The following SZT2 variants were observed in gnomAD, a reference collection of about 807,000 sequenced individuals.
SZT2 encodes the protein SZT2 subunit of KICSTOR complex.
Under a neutral mutation model 404.2 loss-of-function variants are expected in SZT2, and 216 were observed. That is an observed-to-expected ratio of 0.53 (90% CI 0.48 to 0.60). The LOEUF (loss-of-function observed/expected upper bound fraction) is 0.60. Among genes scored for constraint, SZT2 ranks in the 20% least tolerant of loss-of-function variants. The pLI, the probability that SZT2 is intolerant of heterozygous loss-of-function variation, is 0.00. For synonymous variants in SZT2, 1,693 were observed against 1,749.9 expected, an observed-to-expected ratio of 0.97 and a Z score of 0.81; for missense variants, 3,857 against 4,459.2, an observed-to-expected ratio of 0.86 and a Z score of 3.85.
chr1:43,432,040 C>A, intron 36 of SZT2, 139 bp downstream of exon 36: 1 of 1,204,332 alleles, frequency 8.3e-7, no homozygotes, highest in Non-Finnish European at 1.2e-6. Flanking sequence ...ACATCATCTG[C>A]CCTAACCCCT....
chr1:43,445,879 C>T lies in SZT2; in HGVS notation c.8826-15C>T, dbSNP rs1259336070. On this transcript the variant is annotated splice_polypyrimidine_tract_variant and intron_variant, in intron 62 of 71. Transcript: ENST00000634258. ...TAGCCTGCCTCATCCTCTTATCCCT[C>T]CTCCTTTTCTATAGCACCAGCCGGC... 10 of 1,613,612 alleles carry T rather than the reference C, an allele frequency of 6.2e-6. No homozygotes were observed. Among genetic ancestry groups the T allele is most frequent in the African/African-American group, 1.3e-5 (1 of 74,930 alleles).
Position 43,452,118 on chromosome 1 carries a change from A to G in SZT2, c.*1638A>G. 1 of 1,493,344 alleles carries G rather than the reference A, an allele frequency of 6.7e-7. No homozygotes were observed. Among genetic ancestry groups the G allele is most frequent in the Admixed American group, 1.8e-5 (1 of 55,786 alleles). 92.5% of individuals were successfully genotyped at this position (1,493,344 alleles called of 1,614,324 possible). On this transcript the variant is annotated 3_prime_UTR_variant, in exon 72 of 72. Transcript: ENST00000634258. ...ACCTGTTCCTCTGACCTAGGCTGGCAGCCTCACGTGCTGTCCCCACTGTGC... is the reference window on the plus strand; with the variant it reads ...ACCTGTTCCTCTGACCTAGGCTGGCGGCCTCACGTGCTGTCCCCACTGTGC...
At position 43,421,170 on chromosome 1, in the gene SZT2, A is replaced by G. The variant is rs754241761; in HGVS notation, c.1497-4A>G. 19 of 1,598,130 alleles carry G rather than the reference A, an allele frequency of 1.2e-5. No homozygotes were observed. Among genetic ancestry groups the G allele is most frequent in the South Asian group, 3.3e-5 (3 of 91,036 alleles). ...ATGGCTCAGGCCTGGCCCTTATTCTACAGCATCAACCAGACAGACCAGATG... is the reference window on the plus strand; with the variant it reads ...ATGGCTCAGGCCTGGCCCTTATTCTGCAGCATCAACCAGACAGACCAGATG... On this transcript the variant is annotated splice_region_variant and splice_polypyrimidine_tract_variant and intron_variant, in intron 10 of 71. Coordinates refer to ENST00000634258, the MANE Select transcript of SZT2 (RefSeq NM_001365999.1).
In SZT2 at chr1:43,450,328, T is replaced by A. The variant is rs1453114305; in HGVS notation, c.10156-9T>A. The A allele has an allele frequency of 6.2e-7, 1 of 1,614,004 alleles. No individual in the cohort carries two copies. The highest frequency in any genetic ancestry group is 8.5e-7 in the Non-Finnish European group (1 of 1,179,960). On this transcript the variant is annotated splice_polypyrimidine_tract_variant and intron_variant, in intron 71 of 71. Coordinates refer to ENST00000634258, the MANE Select transcript of SZT2 (RefSeq NM_001365999.1). The surrounding 1 kb of genome is among the most constrained non-coding windows in gnomAD (Gnocchi z 4.3). ...TCTCACCAGTGCATCCCCACCGTGT[T>A]CCCCACAGTCTCTGACAGTGGTTTT... is the stretch of plus-strand genomic sequence containing the variant.
intron 6 of SZT2, 137 bp downstream of exon 6, chr1:43,416,238 A>T: frequency 8.5e-7 from 1 of 1,177,958 alleles, no homozygotes; most frequent in Non-Finnish European, 1.2e-6. Flanking sequence ...TGCAAAATGT[A>T]AGTCTGTATT....
chr1:43,427,215 A>G (rs575622194), intron 24 of SZT2, 36 bp downstream of exon 24: 4 of 1,610,342 alleles, frequency 2.5e-6, no homozygotes, highest in South Asian at 1.1e-5. Context: ...ACCCCCTCAG[A>G]TACAAACCCC....
At chr1:43,397,068 G>A (rs1649079668) in intron 1 of SZT2, among the ~76,000 whole-genome samples, 1 of 152,264 alleles carries the variant, frequency 6.6e-6, no homozygotes, top group Admixed American at 6.5e-5. Flanking sequence ...GTTCATACAT[G>A]TATTCAACAG....
At position 43,451,241 on chromosome 1, in the gene SZT2, C is replaced by A; in HGVS notation, c.*761C>A. On this transcript the variant is annotated 3_prime_UTR_variant, in exon 72 of 72. Coordinates refer to ENST00000634258, the MANE Select transcript of SZT2 (RefSeq NM_001365999.1). The stretch of plus-strand genomic sequence containing the variant: ...CACGTGGGTGGTGTGCGGGCCCTCA[C>A]TGGCCAGCCTCTGGGTGGCCCCGCC... 1 of 1,613,966 alleles carries A rather than the reference C, an allele frequency of 6.2e-7. No homozygotes were observed. Among genetic ancestry groups the A allele is most frequent in the Non-Finnish European group, 8.5e-7 (1 of 1,179,982 alleles).
Position 43,437,440 on chromosome 1 carries a change from C to T in SZT2, c.6222C>T (p.Phe2074=), listed in dbSNP as rs1453095713. The T allele has an allele frequency of 6.2e-7, 1 of 1,614,204 alleles. No homozygotes were observed. The highest frequency in any genetic ancestry group is 8.5e-7 in the Non-Finnish European group (1 of 1,180,042). Residue 2074 remains phenylalanine, a synonymous_variant, in exon 44 of 72, where the codon TTC becomes TTT. Transcript: ENST00000634258. The surrounding 1 kb of genome is among the most constrained non-coding windows in gnomAD (Gnocchi z 5.3). Reference sequence around the variant, plus strand: ...CCCTGCGCTCTGTGCTCAATGCCTTCTCTGTGGTGAACCGGAAAAACATGT... The same window carrying T: ...CCCTGCGCTCTGTGCTCAATGCCTTTTCTGTGGTGAACCGGAAAAACATGT... ...IQALRSVLNA[F]SVVNRKNMFV... is the part of the protein sequence containing the mutation.
In SZT2 at chr1:43,439,471, C is replaced by G; in HGVS notation, c.6877+29C>G. 6.3e-7 allele frequency: 1 copy of G among 1,599,232 alleles called. No individual in the cohort carries two copies. Among genetic ancestry groups the G allele is most frequent in the Non-Finnish European group, 8.5e-7 (1 of 1,171,284 alleles). The stretch of plus-strand genomic sequence containing the variant: ...CGGTGCAGGGCACGGGCCTGTGGCA[C>G]CACCAGGTGAGGGAAAGCCTTTTGT... On this transcript the variant is annotated intron_variant, in intron 49 of 71. Transcript: ENST00000634258. This position sits in a 1 kb window ranked among gnomAD's most constrained non-coding sequence, Gnocchi z 4.2.
rs559342532 is a variant in SZT2, at chr1:43,425,003, A to G, written c.2551-110A>G. 2.6e-6 allele frequency: 4 copies of G among 1,518,828 alleles called. No homozygotes were observed. Among genetic ancestry groups the G allele is most frequent in the South Asian group, 1.1e-5 (1 of 86,980 alleles). 94.1% of individuals were successfully genotyped at this position (1,518,828 alleles called of 1,614,324 possible). On this transcript the variant is annotated intron_variant, in intron 17 of 71. Transcript: ENST00000634258. The surrounding 1 kb of genome is among the most constrained non-coding windows in gnomAD (Gnocchi z 4.3). ...GAGGATGCTCAAGGTCTGAGGCTGC[A>G]GTCATAGGACAATTTGGTGAGGGAA... is the stretch of plus-strand genomic sequence containing the variant.
At chr1:43,416,236 G>A (rs1570607340) in intron 6 of SZT2, 135 bp downstream of exon 6, 2 of 1,202,342 alleles carry the variant, frequency 1.7e-6, no homozygotes, top group East Asian at 2.5e-5. Context: ...TTTGCAAAAT[G>A]TAAGTCTGTA....
chr1:43,416,737 A>G (rs1651766370), intron 7 of SZT2, 96 bp downstream of exon 7: 6 of 950,082 alleles, frequency 6.3e-6, no homozygotes, highest in South Asian at 5.9e-5. Context: ...TTTCCCAGAT[A>G]AAGTCAATTA....
At chr1:43,422,665 C>CCCCCCCCCCCCCCCCA (rs1652528745) in intron 13 of SZT2, 33 bp downstream of exon 13, 1 of 751,282 alleles carries the variant, frequency 1.3e-6, no homozygotes, top group African/African-American at 2.1e-5. Context: ...ACCCCCCGCC[C>CCCCCCCCCCCCCCCCA]CCCCACCCCC....
Position 43,420,018 on chromosome 1 carries a change from G to A in SZT2, c.1090+74G>A. ...GCCCAGAGATGATGGGGCCCTGGAG[G>A]ACTGAAAGTGTAACTGGGGCTGGCT... is the stretch of plus-strand genomic sequence containing the variant. On this transcript the variant is annotated intron_variant, in intron 8 of 71. Transcript: ENST00000634258. This position sits in a 1 kb window ranked among gnomAD's most constrained non-coding sequence, Gnocchi z 5.1. 1 of 1,574,742 alleles carries A rather than the reference G, an allele frequency of 6.4e-7. No homozygotes were observed. Among genetic ancestry groups the A allele is most frequent in the Non-Finnish European group, 8.6e-7 (1 of 1,162,482 alleles).
Position 43,450,487 on chromosome 1 carries a change from G to C in SZT2, c.*7G>C. 2 of 1,614,048 alleles carry C rather than the reference G, an allele frequency of 1.2e-6. No homozygotes were observed. The highest frequency in any genetic ancestry group is 2.2e-5 in the South Asian group (2 of 91,080). Reference sequence around the variant, plus strand: ...CTGGACCCGCCTCCTCTGAGGGAGTGGACTGGACCACTGAATGTCACTGTT... The same window carrying C: ...CTGGACCCGCCTCCTCTGAGGGAGTCGACTGGACCACTGAATGTCACTGTT... On this transcript the variant is annotated 3_prime_UTR_variant, in exon 72 of 72. Transcript: ENST00000634258. This position sits in a 1 kb window ranked among gnomAD's most constrained non-coding sequence, Gnocchi z 4.3.
At position 43,438,910 on chromosome 1, in the gene SZT2, T is replaced by G. The variant is rs781160202; in HGVS notation, c.6628-19T>G. On this transcript the variant is annotated intron_variant, in intron 47 of 71. Coordinates refer to ENST00000634258, the MANE Select transcript of SZT2 (RefSeq NM_001365999.1). ...GGAACTTCTGCATTCAGCTCTGCCC[T>G]CTTCTTCCCACTCTGCAGTTCATCC... is the stretch of plus-strand genomic sequence containing the variant. The G allele has an allele frequency of 6.1e-5, 99 of 1,613,986 alleles. No individual in the cohort carries two copies. Among genetic ancestry groups the G allele is most frequent in the Non-Finnish European group, 7.5e-5 (89 of 1,179,988 alleles).
chr1:43,425,961 A>G lies in SZT2; in HGVS notation c.2929+12A>G. The G allele has an allele frequency of 6.2e-7, 1 of 1,611,692 alleles. No homozygotes were observed. Among genetic ancestry groups the G allele is most frequent in the Non-Finnish European group, 8.5e-7 (1 of 1,177,780 alleles). Reference sequence around the variant, plus strand: ...GAGGGTCTCTGATGGTGAGTGGGGCAGGCGGCCCACTGGTGGAGCAGGGGA... The same window carrying G: ...GAGGGTCTCTGATGGTGAGTGGGGCGGGCGGCCCACTGGTGGAGCAGGGGA... On this transcript the variant is annotated intron_variant, in intron 20 of 71. Coordinates refer to ENST00000634258, the MANE Select transcript of SZT2 (RefSeq NM_001365999.1). The surrounding 1 kb of genome is among the most constrained non-coding windows in gnomAD (Gnocchi z 4.3).
In SZT2 at chr1:43,420,823, C is replaced by T. The variant is rs2782643; in HGVS notation, c.1336C>T (p.Pro446Ser). 599,570 of 1,598,182 alleles carry T rather than the reference C, an allele frequency of 0.38. 120,395 individuals are homozygous for T. The highest frequency in any genetic ancestry group is 0.42 in the Non-Finnish European group (492,846 of 1,179,714). The stretch of plus-strand genomic sequence containing the variant: ...GCGCATTGAGTATGTGGCTATGGCA[C>T]CCTGGCCCCTGGAGCCTGAGGGCCC... ...NMRIEYVAMA[P>S]WPLEPEGPRV... Residue 446 changes from proline to serine, a missense_variant, in exon 10 of 72, where the codon CCC becomes TCC. Physicochemically the swap from Pro to Ser is moderately conservative, Grantham distance 74. Around this residue, in one of 7 missense-constraint regions of SZT2, gnomAD observed 536 missense variants for 637.4 expected, o/e 0.84. Transcript: ENST00000634258. This position sits in a 1 kb window ranked among gnomAD's most constrained non-coding sequence, Gnocchi z 5.1.
Sources: allele counts gnomAD v4.1 joint callset (sites outside exome capture counted in the v4.1 genomes callset), GRCh38; gene constraint gnomAD v4.1.1; regional missense constraint gnomAD v4.1.1; non-coding constraint Gnocchi (gnomAD v3.1); transcripts MANE v1.5; gene names NCBI Gene and HGNC (gene_info 2026-07-23, HGNC 2026-07-21).